CHODL: variants seen among roughly 807,000 people sequenced by gnomAD.
CHODL encodes the protein transmembrane protein MT75.
CHODL carries 29 observed loss-of-function variants against 34.5 expected under a neutral mutation model. The observed-to-expected ratio is 0.84, with a 90% CI of 0.63 to 1.15. CHODL has a LOEUF of 1.15. CHODL is among the 50% of genes most tolerant of loss of function. The pLI is 0.00. For synonymous variants in CHODL, 125 were observed against 116.1 expected (o/e 1.08, Z -0.49); for missense variants, 332 against 332.5 (o/e 1.00, Z 0.01).
At chr21:18,110,857 C>G (rs532709785) in intron 2 of CHODL, among the ~76,000 whole-genome samples, 20 of 152,186 alleles carry the variant, frequency 1.3e-4, no homozygotes, top group Middle Eastern at 3.4e-3. Flanking sequence ...TCATATTTTT[C>G]TTTATTGTGG....
intron 2 of CHODL, among the ~76,000 whole-genome samples, chr21:18,096,416 T>G (rs1256528972): frequency 1.3e-5 from 2 of 152,194 alleles, no homozygotes; most frequent in Non-Finnish European, 2.9e-5. Flanking sequence ...TTTCTCTTCT[T>G]GCAGAAAGCG....
rs375062479 is a variant in CHODL, at chr21:18,133,266, TTTC to T, written c.-45+105298_-45+105300del. Among the ~76,000 whole-genome samples, 5 of 152,270 alleles carry T rather than the reference TTTC, an allele frequency of 3.3e-5. No homozygotes were observed. The East Asian group carries it at 9.6e-4, about 29-fold the overall frequency. On this transcript the variant is annotated intron_variant, in intron 2 of 6. Transcript: ENST00000400127. ...ACTGCCAATTGTTCGATGTTCATTA[TTTC>T]TTGTCTCTTTTCTATGCCTGCATGT...
chr21:17,918,161 AG>A lies in CHODL; in HGVS notation c.-145+767del, dbSNP rs138894315. ...GTATGGCAAAGAGAAACTGGGGGTGAGGGGGGTTTTCAAGTTTGATGAGGGG... is the reference window on the plus strand; with the variant it reads ...GTATGGCAAAGAGAAACTGGGGGTGAGGGGGTTTTCAAGTTTGATGAGGGG... On this transcript the variant is annotated intron_variant, in intron 1 of 6. Coordinates refer to the CHODL transcript ENST00000400127. Among the ~76,000 whole-genome samples, 312 of 152,074 alleles carry A rather than the reference AG, an allele frequency of 2.1e-3. 2 individuals are homozygous for A. The highest frequency in any genetic ancestry group is 7.1e-3 in the African/African-American group (295 of 41,486).
chr21:18,094,669 C>A (rs1022132553), intron 2 of CHODL, among the ~76,000 whole-genome samples: 1 of 146,288 alleles, frequency 6.8e-6, no homozygotes, highest in Admixed American at 6.9e-5. Flanking sequence ...ATAATGGAAA[C>A]ACAACATACC....
chr21:17,960,694 C>A (rs967119769), intron 1 of CHODL, among the ~76,000 whole-genome samples: 1 of 152,132 alleles, frequency 6.6e-6, no homozygotes, highest in African/African-American at 2.4e-5. Flanking sequence ...CCTTTTCTTA[C>A]AGGATAATGG....
At chr21:18,232,949 A>G (rs1004928285) in intron 2 of CHODL, among the ~76,000 whole-genome samples, 2 of 137,576 alleles carry the variant, frequency 1.5e-5, no homozygotes, top group Non-Finnish European at 3.0e-5. Context: ...TATGATATAT[A>G]TATATATATA....
At chr21:18,058,861 A>G (rs573034341) in intron 2 of CHODL, among the ~76,000 whole-genome samples, 1 of 152,224 alleles carries the variant, frequency 6.6e-6, no homozygotes, top group African/African-American at 2.4e-5. Flanking sequence ...TTAACTCAGA[A>G]TGGGCAAGAT....
intron 1 of CHODL, among the ~76,000 whole-genome samples, chr21:17,936,801 C>T (rs993995844): frequency 6.6e-6 from 1 of 152,032 alleles, no homozygotes; most frequent in Non-Finnish European, 1.5e-5. Context: ...AAGGGCCGGG[C>T]GTGGTGGCTC....
At chr21:18,092,749 GCT>G (rs1262074169) in intron 2 of CHODL, among the ~76,000 whole-genome samples, 1 of 152,122 alleles carries the variant, frequency 6.6e-6, no homozygotes, top group Non-Finnish European at 1.5e-5. Flanking sequence ...TTGAAGACAG[GCT>G]ATTTGAAAAT....
chr21:18,176,186 A>G (rs2073309015), intron 2 of CHODL, among the ~76,000 whole-genome samples: 1 of 152,210 alleles, frequency 6.6e-6, no homozygotes, highest in African/African-American at 2.4e-5. Flanking sequence ...GAACAAAAAC[A>G]TTTAGAGATA....
At chr21:18,069,250 A>C (rs1424025334) in intron 2 of CHODL, among the ~76,000 whole-genome samples, 1 of 152,154 alleles carries the variant, frequency 6.6e-6, no homozygotes. Flanking sequence ...ACAACACACT[A>C]CCAGAAAGGA....
intron 1 of CHODL, among the ~76,000 whole-genome samples, chr21:18,253,751 G>C (rs2074284026): frequency 6.6e-6 from 1 of 152,058 alleles, no homozygotes; most frequent in South Asian, 2.1e-4. Context: ...TTGTCCTCCT[G>C]AAGTTTCTCT....
chr21:17,924,711 T>C (rs554072844), intron 1 of CHODL, among the ~76,000 whole-genome samples: 1 of 152,350 alleles, frequency 6.6e-6, no homozygotes, highest in African/African-American at 2.4e-5. Flanking sequence ...TAGCTGAACA[T>C]AACATAAAAA....
chr21:18,189,757 C>G (rs1329576808), intron 2 of CHODL, among the ~76,000 whole-genome samples: 2 of 151,780 alleles, frequency 1.3e-5, no homozygotes, highest in Non-Finnish European at 2.9e-5. Context: ...GTCTCAGCCT[C>G]CTGAATAGCT....
intron 2 of CHODL, among the ~76,000 whole-genome samples, chr21:18,160,059 T>A (rs561736238): frequency 6.6e-6 from 1 of 152,356 alleles, no homozygotes; most frequent in African/African-American, 2.4e-5. Context: ...TTTGTGATAA[T>A]CTGTTATAGT....
At chr21:18,093,140 A>T (rs1183970642) in intron 2 of CHODL, among the ~76,000 whole-genome samples, 1 of 152,210 alleles carries the variant, frequency 6.6e-6, no homozygotes, top group Non-Finnish European at 1.5e-5. Flanking sequence ...CTGGTAGCAG[A>T]CTTTTCAATA....
intron 2 of CHODL, among the ~76,000 whole-genome samples, chr21:18,237,584 A>G (rs532341294): frequency 6.6e-6 from 1 of 152,146 alleles, no homozygotes; most frequent in Admixed American, 6.6e-5. Flanking sequence ...TGCAGTTCTT[A>G]TTATACATCC....
chr21:18,236,198 G>A (rs1198032627), intron 2 of CHODL, among the ~76,000 whole-genome samples: 2 of 152,114 alleles, frequency 1.3e-5, no homozygotes, highest in Non-Finnish European at 2.9e-5. Flanking sequence ...AGCAGAAAGA[G>A]AAGAATGAAA....
At chr21:18,014,736 C>T (rs982040543) in intron 1 of CHODL, among the ~76,000 whole-genome samples, 4 of 152,192 alleles carry the variant, frequency 2.6e-5, no homozygotes, top group African/African-American at 9.6e-5. Context: ...TGTCTTCTGC[C>T]ATGAATAAAA....
Sources: allele counts gnomAD v4.1 joint callset (sites outside exome capture counted in the v4.1 genomes callset), GRCh38; gene constraint gnomAD v4.1.1; transcripts MANE v1.5; gene names NCBI Gene and HGNC (gene_info 2026-07-23, HGNC 2026-07-21).